The following ADAMTS6 variants were observed in gnomAD, a reference collection of about 807,000 sequenced individuals.
ADAMTS6 encodes A disintegrin and metalloproteinase with thrombospondin motifs 6.
ADAMTS6 carries 23 observed loss-of-function variants against 144.3 expected under a neutral mutation model. The ratio of observed to expected loss-of-function variants is 0.16; its 90% CI spans 0.11 to 0.23. The LOEUF is 0.23. Ranked by LOEUF, ADAMTS6 falls within the 10% of genes least tolerant of loss-of-function variation. The pLI is 1.00. For missense variants in ADAMTS6, 999 were observed against 1,379.6 expected, an observed-to-expected ratio of 0.72 and a Z score of 4.37; for synonymous variants, 444 against 457.5, an observed-to-expected ratio of 0.97 and a Z score of 0.38.
chr5:65,292,001 A>C (rs1346404707), intron 10 of ADAMTS6, among the ~76,000 whole-genome samples: 1 of 152,174 alleles, frequency 6.6e-6, no homozygotes, highest in Non-Finnish European at 1.5e-5. Flanking sequence ...CAACGACCAA[A>C]GTTTTCCTCT....
chr5:65,435,236 T>C (rs1008190172), intron 7 of ADAMTS6, among the ~76,000 whole-genome samples: 4 of 152,156 alleles, frequency 2.6e-5, no homozygotes, highest in Non-Finnish European at 1.5e-5. Flanking sequence ...TATGTGCTAA[T>C]GGAGCAAAAG....
chr5:65,295,470 T>C (rs2112778526), intron 10 of ADAMTS6, among the ~76,000 whole-genome samples: 1 of 152,250 alleles, frequency 6.6e-6, no homozygotes, highest in Admixed American at 6.5e-5. Context: ...GTTTGTATGT[T>C]GGTGTAATAC....
intron 1 of ADAMTS6, among the ~76,000 whole-genome samples, chr5:65,480,647 C>T (rs929952745): frequency 8.5e-5 from 13 of 152,106 alleles, no homozygotes; most frequent in Admixed American, 6.5e-4. Flanking sequence ...TTCCCAATAC[C>T]CCATTCCTGC....
Position 65,149,918 on chromosome 5 carries a change from A to G in ADAMTS6, c.*1918T>C, listed in dbSNP as rs1752057505. ...TGGTGATTCCTCTTGTATCATCAATAGCTCTCTCTGGAAGGCTCAGGGTTG... is the reference window on the plus strand; with the variant it reads ...TGGTGATTCCTCTTGTATCATCAATGGCTCTCTCTGGAAGGCTCAGGGTTG... On this transcript the variant is annotated 3_prime_UTR_variant, in exon 25 of 25. Coordinates refer to ENST00000381055, the MANE Select transcript of ADAMTS6 (RefSeq NM_197941.4). The G allele has an allele frequency of 6.6e-6, 1 of 152,586 alleles. No homozygotes were observed. The highest frequency in any genetic ancestry group is 6.5e-5 in the Admixed American group (1 of 15,274). The allele number at this position is 152,586 out of a possible 1,614,324, so 9.5% of individuals were successfully genotyped here. A position where few individuals can be genotyped will look rare whatever the true frequency, so the allele number is the denominator to read the frequency against.
At chr5:65,263,176 C>T (rs189396944) in intron 12 of ADAMTS6, among the ~76,000 whole-genome samples, 6 of 152,070 alleles carry the variant, frequency 3.9e-5, no homozygotes, top group African/African-American at 1.2e-4. Flanking sequence ...AAGCCTCTAA[C>T]CTGTATTGGG....
chr5:65,374,841 A>G (rs1209058120), intron 7 of ADAMTS6, among the ~76,000 whole-genome samples: 2 of 152,184 alleles, frequency 1.3e-5, no homozygotes, highest in African/African-American at 4.8e-5. Flanking sequence ...GAGGCATCAC[A>G]CTACCTGACT....
intron 3 of ADAMTS6, among the ~76,000 whole-genome samples, chr5:65,468,024 G>A (rs1427685487): frequency 2.0e-5 from 3 of 151,636 alleles, no homozygotes; most frequent in Admixed American, 6.6e-5. Context: ...ATTTTTTTTC[G>A]CACTGAGAAA....
chr5:65,476,007 C>T (rs1760816794), intron 1 of ADAMTS6, among the ~76,000 whole-genome samples: 1 of 151,890 alleles, frequency 6.6e-6, no homozygotes, highest in Admixed American at 6.6e-5. Flanking sequence ...TACCTCAACA[C>T]TGAGGGGATG....
chr5:65,240,627 C>G (rs1326364624), intron 15 of ADAMTS6, among the ~76,000 whole-genome samples: 2 of 152,142 alleles, frequency 1.3e-5, no homozygotes, highest in Non-Finnish European at 2.9e-5. Flanking sequence ...TTTCCCCACG[C>G]TTTCTGCCAC....
At chr5:65,280,607 A>G (rs1762914987) in intron 11 of ADAMTS6, among the ~76,000 whole-genome samples, 2 of 152,234 alleles carry the variant, frequency 1.3e-5, no homozygotes, top group African/African-American at 4.8e-5. Flanking sequence ...AGGCTTGTGC[A>G]TTATACTGGC....
At chr5:65,452,030 C>T in intron 6 of ADAMTS6, 103 bp downstream of exon 6, 2 of 948,348 alleles carry the variant, frequency 2.1e-6, no homozygotes, top group Non-Finnish European at 3.0e-6. Context: ...CTAGAATTTC[C>T]TAATAGAAGC....
At position 65,442,594 on chromosome 5, in the gene ADAMTS6, G is replaced by GA. The variant is rs533557859; in HGVS notation, c.1073+8880dup. 1.6e-3 allele frequency among the ~76,000 whole-genome samples: 244 copies of GA among 151,732 alleles called. 1 individual carries two copies. Among genetic ancestry groups the GA allele is most frequent in the Non-Finnish European group, 2.2e-3 (147 of 67,882 alleles). On this transcript the variant is annotated intron_variant, in intron 7 of 24. Coordinates refer to ENST00000381055, the MANE Select transcript of ADAMTS6 (RefSeq NM_197941.4). Reference sequence around the variant, plus strand: ...CCAAAATCAGGCAAATACAGTCTAAGAAAAAACTACAGAACAACATCCCTC... The same window carrying GA: ...CCAAAATCAGGCAAATACAGTCTAAGAAAAAAACTACAGAACAACATCCCTC...
At chr5:65,398,850 A>AAGAAAGAAAGAAAGAG (rs1561502083) in intron 7 of ADAMTS6, among the ~76,000 whole-genome samples, 2 of 133,824 alleles carry the variant, frequency 1.5e-5, no homozygotes, top group South Asian at 2.3e-4. Flanking sequence ...GAAAGAAAGA[A>AAGAAAGAAAGAAAGAG]AAAGAAAGAG....
intron 21 of ADAMTS6, among the ~76,000 whole-genome samples, chr5:65,193,103 A>G (rs1755116400): frequency 6.6e-6 from 1 of 152,034 alleles, no homozygotes; most frequent in South Asian, 2.1e-4. Flanking sequence ...CATTTCAGAT[A>G]GATCAATGTT....
intron 21 of ADAMTS6, among the ~76,000 whole-genome samples, chr5:65,195,930 A>T (rs1755313633): frequency 6.6e-6 from 1 of 152,250 alleles, no homozygotes; most frequent in South Asian, 2.1e-4. Context: ...TGATCAACTC[A>T]ACATCACATA....
chr5:65,296,655 G>A (rs899457432), intron 10 of ADAMTS6, among the ~76,000 whole-genome samples: 3 of 152,086 alleles, frequency 2.0e-5, no homozygotes, highest in Admixed American at 6.6e-5. Flanking sequence ...AAGTGCTTTG[G>A]TCATCTTGCT....
At chr5:65,236,296 C>G (rs144546878) in intron 15 of ADAMTS6, among the ~76,000 whole-genome samples, 6 of 152,250 alleles carry the variant, frequency 3.9e-5, no homozygotes, top group African/African-American at 1.4e-4. Context: ...AAAGAGTATT[C>G]TCTAATCTTT....
At chr5:65,349,369 TA>T (rs1297843087) in intron 7 of ADAMTS6, among the ~76,000 whole-genome samples, 3 of 151,700 alleles carry the variant, frequency 2.0e-5, no homozygotes, top group Non-Finnish European at 4.4e-5. Context: ...AGCTACTCTA[TA>T]AAAAAAATCA....
rs115405868 is a variant in ADAMTS6, at chr5:65,433,146, C to A, written c.1073+18329G>T. Reference sequence around the variant, plus strand: ...CTTTCAGATCCTTGATAAAACATCACACCCTAATGAAGTTATGCTTGGACG... The same window carrying A: ...CTTTCAGATCCTTGATAAAACATCAAACCCTAATGAAGTTATGCTTGGACG... On this transcript the variant is annotated intron_variant, in intron 7 of 24. Coordinates refer to ENST00000381055, the MANE Select transcript of ADAMTS6 (RefSeq NM_197941.4). 1.6e-3 allele frequency among the ~76,000 whole-genome samples: 247 copies of A among 152,260 alleles called. 2 individuals are homozygous for A. Among genetic ancestry groups the A allele is most frequent in the African/African-American group, 5.6e-3 (234 of 41,568 alleles).
Sources: gnomAD v4.1 joint callset for allele counts (sites outside exome capture counted in the v4.1 genomes callset) on GRCh38, gnomAD v4.1.1 for gene constraint, MANE v1.5 for transcripts, NCBI Gene and HGNC (gene_info 2026-07-23, HGNC 2026-07-21) for gene names.